The following FOXN3 variants were observed in gnomAD, a reference collection of about 807,000 sequenced individuals.
The protein encoded by FOXN3 is forkhead box N3, also known as forkhead box protein N3.
Under a neutral mutation model 38.4 loss-of-function variants are expected in FOXN3, and 7 were observed. The ratio of observed to expected loss-of-function variants is 0.18; its 90% confidence interval spans 0.10 to 0.34. The LOEUF is 0.34. FOXN3 is among the 10% of genes least tolerant of loss of function. The pLI, the probability that FOXN3 is intolerant of heterozygous loss-of-function variation, is 1.00. For missense variants in FOXN3, 456 were observed against 613.4 expected (o/e 0.74, Z 2.71); for synonymous variants, 230 against 242.2 (o/e 0.95, Z 0.47).
At chr14:89,560,744 C>T (rs1315738542) in intron 1 of FOXN3, among the ~76,000 whole-genome samples, 9 of 152,128 alleles carry the variant, frequency 5.9e-5, no homozygotes, top group African/African-American at 1.9e-4. Context: ...TACTACAGGG[C>T]CAGTTACTAG....
At chr14:89,192,540 C>T (rs1019683614) in intron 4 of FOXN3, among the ~76,000 whole-genome samples, 1 of 119,952 alleles carries the variant, frequency 8.3e-6, no homozygotes, top group African/African-American at 3.4e-5. Context: ...TTGTATATAA[C>T]TTTATAACAT....
intron 3 of FOXN3, among the ~76,000 whole-genome samples, chr14:89,335,518 G>C (rs530577218): frequency 6.6e-6 from 1 of 152,326 alleles, no homozygotes; most frequent in South Asian, 2.1e-4. Flanking sequence ...ACACTATTTT[G>C]ATAATTATTT....
intron 1 of FOXN3, among the ~76,000 whole-genome samples, chr14:89,413,569 G>C (rs1022588149): frequency 2.6e-5 from 4 of 151,986 alleles, no homozygotes; most frequent in Non-Finnish European, 5.9e-5. Flanking sequence ...AGAAGCTGAG[G>C]CTGCAGTGAG....
intron 4 of FOXN3, among the ~76,000 whole-genome samples, chr14:89,220,897 C>G (rs759551770): frequency 3.3e-5 from 5 of 151,984 alleles, no homozygotes; most frequent in African/African-American, 7.2e-5. Context: ...TGAAAAATCA[C>G]CAAGGGGAGG....
At chr14:89,290,897 G>A (rs1886848889) in intron 3 of FOXN3, 1 of 291,142 alleles carries the variant, frequency 3.4e-6, no homozygotes, top group Non-Finnish European at 6.7e-6. Context: ...AAAGTGGAGG[G>A]GCCCTGGAGG....
intron 5 of FOXN3, among the ~76,000 whole-genome samples, chr14:89,170,015 AG>A (rs1245277033): frequency 1.3e-5 from 2 of 152,234 alleles, no homozygotes; most frequent in East Asian, 3.8e-4. Context: ...AACAGGATAA[AG>A]AAAAACAGGT....
chr14:89,571,780 A>G (rs1404274944), intron 1 of FOXN3, among the ~76,000 whole-genome samples: 1 of 152,220 alleles, frequency 6.6e-6, no homozygotes, highest in Non-Finnish European at 1.5e-5. Flanking sequence ...CTACCCATAA[A>G]ATATAGGAAA....
At chr14:89,234,616 C>CCTCTCT (rs34492323) in intron 4 of FOXN3, among the ~76,000 whole-genome samples, 1 of 148,412 alleles carries the variant, frequency 6.7e-6, no homozygotes, top group East Asian at 2.0e-4. Flanking sequence ...TATGTGGCAT[C>CCTCTCT]CTCTCTCTCT....
rs1374619343 is a variant in FOXN3 at position 89,441,982 on chromosome 14, A to C, written c.-14-29492T>G. 6.1e-5 allele frequency among the ~76,000 whole-genome samples: 9 copies of C among 147,266 alleles called. No homozygotes were observed. In the Admixed American group the frequency reaches 6.2e-4, roughly 10 times the overall value. On this transcript the variant is annotated intron_variant, in intron 1 of 6. Transcript: ENST00000345097. ...CCTCTTGTTGCCCGGGCTGGAGTGC[A>C]ATGGCATGATCTCGGCTCACCGCAA...
intron 4 of FOXN3, among the ~76,000 whole-genome samples, chr14:89,192,834 A>T (rs1887995944): frequency 6.8e-6 from 1 of 148,128 alleles, no homozygotes; most frequent in African/African-American, 2.5e-5. Context: ...ATATATATTT[A>T]TATATAAAAC....
intron 4 of FOXN3, among the ~76,000 whole-genome samples, chr14:89,190,905 T>C (rs891497929): frequency 3.9e-5 from 6 of 152,142 alleles, no homozygotes; most frequent in East Asian, 1.9e-4. Context: ...CATGTGGTCA[T>C]TTCCATTTGT....
At chr14:89,509,318 T>G (rs561300542) in intron 1 of FOXN3, among the ~76,000 whole-genome samples, 1 of 110,762 alleles carries the variant, frequency 9.0e-6, no homozygotes, top group East Asian at 2.2e-4. Context: ...TTATATACAG[T>G]TTTTTTTGTT....
At chr14:89,234,209 T>G (rs1464706553) in intron 4 of FOXN3, among the ~76,000 whole-genome samples, 1 of 152,234 alleles carries the variant, frequency 6.6e-6, no homozygotes, top group Non-Finnish European at 1.5e-5. Context: ...CTAGGGCCAC[T>G]GCAACAAAGT....
Position 89,465,625 on chromosome 14 carries a change from A to G in FOXN3, c.-14-53135T>C, listed in dbSNP as rs73329232. Among the ~76,000 whole-genome samples, 535 of 152,344 alleles carry G rather than the reference A, an allele frequency of 3.5e-3. 1 individual carries two copies. The highest frequency in any genetic ancestry group is 0.012 in the African/African-American group (514 of 41,572). ...TGTTTTGTACCACTGTCTGCACTCA[A>G]AAGAGACTCCCTGAAACTCACAGGG... On this transcript the variant is annotated intron_variant, in intron 1 of 6. Transcript: ENST00000345097.
chr14:89,317,569 C>T (rs1481844253), intron 3 of FOXN3, among the ~76,000 whole-genome samples: 2 of 152,026 alleles, frequency 1.3e-5, no homozygotes, highest in East Asian at 1.9e-4. Context: ...TGTAGGGTCC[C>T]GCAGGAAGAC....
intron 1 of FOXN3, among the ~76,000 whole-genome samples, chr14:89,591,297 T>C (rs181685): frequency 0.91 from 138,147 of 152,198 alleles, 63,169 homozygotes; most frequent in African/African-American, 0.98. Context: ...AAGCTAAACT[T>C]CGTGCACTGA....
chr14:89,458,732 C>G (rs1330164202), intron 1 of FOXN3, among the ~76,000 whole-genome samples: 1 of 152,122 alleles, frequency 6.6e-6, no homozygotes, highest in Non-Finnish European at 1.5e-5. Flanking sequence ...GTGGAGCCCT[C>G]TCTGCTGGTT....
chr14:89,560,991 G>C (rs1035920520), intron 1 of FOXN3, among the ~76,000 whole-genome samples: 3 of 152,208 alleles, frequency 2.0e-5, no homozygotes, highest in Non-Finnish European at 4.4e-5. Context: ...GAACAGGTAA[G>C]GGAGTTTGGA....
At chr14:89,395,278 A>G (rs1873941639) in intron 2 of FOXN3, among the ~76,000 whole-genome samples, 1 of 152,192 alleles carries the variant, frequency 6.6e-6, no homozygotes, top group Non-Finnish European at 1.5e-5. Context: ...CTTACAGATG[A>G]ATGATTAATT....
Sources: allele counts gnomAD v4.1 joint callset (sites outside exome capture counted in the v4.1 genomes callset), GRCh38; gene constraint gnomAD v4.1.1; transcripts MANE v1.5; gene names NCBI Gene and HGNC (gene_info 2026-07-23, HGNC 2026-07-21).